KIDINS220: variants seen among roughly 807,000 people sequenced by gnomAD.
KIDINS220 encodes the protein kinase D-interacting substrate of 220 kDa.
Under a neutral mutation model 157.6 loss-of-function variants are expected in KIDINS220, and 63 were observed. The ratio of observed to expected loss-of-function variants is 0.40; its 90% CI spans 0.33 to 0.49. KIDINS220 has a LOEUF of 0.49. KIDINS220 is among the 20% of genes least tolerant of loss of function. The pLI is 0.66. For missense variants in KIDINS220, 1,772 were observed against 2,171.2 expected, an observed-to-expected ratio of 0.82 and a Z score of 3.65; for synonymous variants, 732 against 783.6, an observed-to-expected ratio of 0.93 and a Z score of 1.10.
Position 8,804,134 on chromosome 2 carries a change from T to C in KIDINS220, c.604-1007A>G, listed in dbSNP as rs972298130. Among the ~76,000 whole-genome samples, 67 of 152,274 alleles carry C rather than the reference T, an allele frequency of 4.4e-4. 1 individual carries two copies. Among genetic ancestry groups the C allele is most frequent in the African/African-American group, 1.6e-3 (66 of 41,498 alleles). On this transcript the variant is annotated intron_variant, in intron 7 of 29. Coordinates refer to ENST00000256707, the MANE Select transcript of KIDINS220 (RefSeq NM_020738.4). ...ATGTCATCTGCAGCTGCCTACGGAC[T>C]ATGCTGCCTCCACCAGCACAAAAAC... is the stretch of plus-strand genomic sequence containing the variant.
At chr2:8,742,592 G>A (rs1242219876) in intron 26 of KIDINS220, among the ~76,000 whole-genome samples, 2 of 152,198 alleles carry the variant, frequency 1.3e-5, no homozygotes, top group Admixed American at 1.3e-4. Context: ...GCTAATTATT[G>A]TCATGCTTTT....
chr2:8,765,337 T>C (rs1268074859), intron 22 of KIDINS220, among the ~76,000 whole-genome samples: 2 of 152,326 alleles, frequency 1.3e-5, no homozygotes, highest in East Asian at 3.9e-4. Context: ...CTGCCCATGA[T>C]ATCTTTCCTA....
chr2:8,807,382 ACT>A (rs1484598778), intron 6 of KIDINS220, among the ~76,000 whole-genome samples: 1 of 152,122 alleles, frequency 6.6e-6, no homozygotes, highest in East Asian at 1.9e-4. Context: ...AATTTAATCT[ACT>A]CTCTGTGACA....
rs757131312 is a variant in KIDINS220, at chr2:8,754,871, T to C, written c.3012-3227A>G. ...GCTGCCTAATAATGTCATTATTTAG[T>C]AGGATGTTAAAAAATAAGACACAAT... On this transcript the variant is annotated intron_variant, in intron 22 of 29. Coordinates refer to ENST00000256707, the MANE Select transcript of KIDINS220 (RefSeq NM_020738.4). Among the ~76,000 whole-genome samples, 12 of 152,226 alleles carry C rather than the reference T, an allele frequency of 7.9e-5. No homozygotes were observed. The South Asian group carries it at 1.0e-3, about 13-fold the overall frequency.
Position 8,731,087 on chromosome 2 carries a change from T to C in KIDINS220, c.4949A>G (p.Lys1650Arg), listed in dbSNP as rs1664011456. Residue 1650 changes from lysine to arginine, a missense_variant, in exon 30 of 30, where the codon AAG (lysine) becomes AGG (arginine). Transcript: ENST00000256707. This position sits in a 1 kb window ranked among gnomAD's most constrained non-coding sequence, Gnocchi z 5.2. Reference protein sequence around the residue: ...IARMSICSEDKKSPSECSLIA... With the variant: ...IARMSICSEDRKSPSECSLIA... ...CAAGCTGCATTCGGAAGGGCTTTTC[T>C]TGTCTTCTGAACAAATGGACATCCG... 1.2e-6 allele frequency: 2 copies of C among 1,614,234 alleles called. No homozygotes were observed.
intron 18 of KIDINS220, 77 bp from the exon 19 acceptor site, chr2:8,779,216 T>C: frequency 6.6e-7 from 1 of 1,515,334 alleles, no homozygotes; most frequent in African/African-American, 1.4e-5. Context: ...TCAAAATATG[T>C]GCTACCTTTT....
chr2:8,791,294 T>A, intron 12 of KIDINS220, 70 bp from the exon 13 acceptor site: 5 of 1,359,220 alleles, frequency 3.7e-6, no homozygotes, highest in Non-Finnish European at 4.1e-6. Flanking sequence ...ACTATTTTCA[T>A]TGTTTCCTTG....
chr2:8,765,753 C>CTA (rs1422609662), intron 22 of KIDINS220, among the ~76,000 whole-genome samples: 1 of 152,064 alleles, frequency 6.6e-6, no homozygotes, highest in South Asian at 2.1e-4. Context: ...AGTGTGGTAG[C>CTA]TATTCACAGG....
chr2:8,805,778 T>C (rs1397227969), intron 7 of KIDINS220, among the ~76,000 whole-genome samples: 4 of 152,184 alleles, frequency 2.6e-5, no homozygotes, highest in African/African-American at 9.7e-5. Context: ...TATGTTTAGA[T>C]AAAGAAATAC....
At position 8,743,099 on chromosome 2, in the gene KIDINS220, C is replaced by T. The variant is rs566617789; in HGVS notation, c.3585+4046G>A. Among the ~76,000 whole-genome samples, 116 of 152,220 alleles carry T rather than the reference C, an allele frequency of 7.6e-4. 2 individuals carry two copies. Among genetic ancestry groups the T allele is most frequent in the African/African-American group, 2.7e-3 (113 of 41,518 alleles). ...GGGTCACAGAATCATGTGAATGCTG[C>T]CATTTCCTAGTGGGAACTGGACTCA... On this transcript the variant is annotated intron_variant, in intron 26 of 29. Transcript: ENST00000256707.
At chr2:8,785,545 C>T (rs1410178745) in intron 17 of KIDINS220, among the ~76,000 whole-genome samples, 196 bp downstream of exon 17, 2 of 152,078 alleles carry the variant, frequency 1.3e-5, no homozygotes, top group African/African-American at 4.8e-5. Context: ...CTTTGCACTT[C>T]CCTCTAAATT....
chr2:8,826,530 C>A (rs1678836847), intron 2 of KIDINS220, among the ~76,000 whole-genome samples: 2 of 152,310 alleles, frequency 1.3e-5, no homozygotes, highest in South Asian at 4.1e-4. Context: ...ATCACTTGAA[C>A]CTGGGAGGCG....
At chr2:8,833,944 A>G (rs1296458858) in intron 1 of KIDINS220, among the ~76,000 whole-genome samples, 1 of 152,214 alleles carries the variant, frequency 6.6e-6, no homozygotes, top group East Asian at 1.9e-4. Context: ...CTCCGGTTAC[A>G]GACACAGTGC....
At chr2:8,754,486 G>A (rs1311421519) in intron 22 of KIDINS220, among the ~76,000 whole-genome samples, 3 of 152,164 alleles carry the variant, frequency 2.0e-5, no homozygotes, top group Admixed American at 2.0e-4. Context: ...CCAGCATTAT[G>A]AATCATGTGA....
chr2:8,826,845 A>T (rs1045287023), intron 2 of KIDINS220, 141 bp downstream of exon 2: 14 of 396,076 alleles, frequency 3.5e-5, no homozygotes, highest in Non-Finnish European at 5.9e-5. Flanking sequence ...AGTACTTTTA[A>T]CTATAAGACA....
Position 8,827,255 on chromosome 2 carries a change from C to T in KIDINS220, c.-36-126G>A, listed in dbSNP as rs1191823696. ...TCCAGTGGCAGAAGTGAAGATACGA[C>T]TTCCCACGGCTTCCATAGCTCAGGT... On this transcript the variant is annotated intron_variant, in intron 1 of 29. Transcript: ENST00000256707. The T allele has an allele frequency of 6.2e-6, 3 of 482,526 alleles. No homozygotes were observed. In the South Asian group the frequency reaches 8.8e-5, roughly 14 times the overall value. The allele number at this position is 482,526 out of a possible 1,614,324, so 29.9% of individuals were successfully genotyped here. A position where few individuals can be genotyped will look rare whatever the true frequency, so the allele number is the denominator to read the frequency against.
chr2:8,790,684 G>A (rs1673061221), intron 13 of KIDINS220, among the ~76,000 whole-genome samples: 1 of 152,154 alleles, frequency 6.6e-6, no homozygotes, highest in Non-Finnish European at 1.5e-5. Flanking sequence ...GGCCACTAAG[G>A]AGCTGCTAAT....
At chr2:8,833,563 G>T (rs1050487776) in intron 1 of KIDINS220, among the ~76,000 whole-genome samples, 13 of 147,486 alleles carry the variant, frequency 8.8e-5, no homozygotes, top group Admixed American at 1.4e-4. Context: ...TAGGATATAA[G>T]CTTTTAAAAG....
intron 26 of KIDINS220, among the ~76,000 whole-genome samples, chr2:8,742,899 T>C (rs1173492697): frequency 6.6e-6 from 1 of 152,236 alleles, no homozygotes; most frequent in African/African-American, 2.4e-5. Context: ...AATGCTTTAT[T>C]GCTCCTTTGA....
Sources: gnomAD v4.1 joint callset for allele counts (sites outside exome capture counted in the v4.1 genomes callset) on GRCh38, gnomAD v4.1.1 for gene constraint, Gnocchi (gnomAD v3.1) non-coding constraint, MANE v1.5 for transcripts, NCBI Gene and HGNC (gene_info 2026-07-23, HGNC 2026-07-21) for gene names.